Variants in LRRFIP2 observed in about 807,000 individuals in gnomAD.
LRRFIP2 encodes leucine-rich repeat flightless-interacting protein 2.
A neutral mutation model predicts 125.9 loss-of-function variants in LRRFIP2; 109 were observed. The observed-to-expected ratio is 0.87, with a 90% CI of 0.74 to 1.01. The LOEUF (loss-of-function observed/expected upper bound fraction) is 1.01. LRRFIP2 is among the 50% of genes least tolerant of loss of function. LRRFIP2 has a pLI of 0.00. For synonymous variants in LRRFIP2, 291 were observed against 293.1 expected (o/e 0.99, Z 0.07); for missense variants, 850 against 862.3 (o/e 0.99, Z 0.18).
At chr3:37,125,730 T>C (rs2095248567) in intron 4 of LRRFIP2, among the ~76,000 whole-genome samples, 1 of 152,136 alleles carries the variant, frequency 6.6e-6, no homozygotes, top group Admixed American at 6.5e-5. Flanking sequence ...GTATTATAAT[T>C]AGGGGAAATT....
chr3:37,152,137 A>C (rs1365896076), intron 1 of LRRFIP2, among the ~76,000 whole-genome samples: 1 of 152,260 alleles, frequency 6.6e-6, no homozygotes, highest in African/African-American at 2.4e-5. Context: ...CTCAGCCATA[A>C]AAATGAATGA....
intron 19 of LRRFIP2, among the ~76,000 whole-genome samples, chr3:37,082,840 A>C (rs2092748968): frequency 6.6e-6 from 1 of 152,238 alleles, no homozygotes; most frequent in South Asian, 2.1e-4. Flanking sequence ...CAGGTTATAT[A>C]AACAGCTTCT....
intron 1 of LRRFIP2, among the ~76,000 whole-genome samples, chr3:37,169,686 C>T (rs2096558967): frequency 6.6e-6 from 1 of 152,166 alleles, no homozygotes. Context: ...TAAGGAACAA[C>T]ATGCTCAGAA....
At chr3:37,132,542 T>C (rs1446831290) in intron 2 of LRRFIP2, among the ~76,000 whole-genome samples, 1 of 152,182 alleles carries the variant, frequency 6.6e-6, no homozygotes, top group Non-Finnish European at 1.5e-5. Context: ...AGATGTTACC[T>C]CCCTTGGAGA....
At chr3:37,142,884 G>C (rs902440612) in intron 2 of LRRFIP2, among the ~76,000 whole-genome samples, 1 of 152,218 alleles carries the variant, frequency 6.6e-6, no homozygotes, top group Non-Finnish European at 1.5e-5. Context: ...ATATAGTTTA[G>C]ATGTCTCTTC....
chr3:37,173,617 A>C (rs2096616105), intron 1 of LRRFIP2, among the ~76,000 whole-genome samples: 1 of 152,248 alleles, frequency 6.6e-6, no homozygotes, highest in Admixed American at 6.5e-5. Context: ...TGCAGGTGCA[A>C]TGGATGATGA....
intron 17 of LRRFIP2, 73 bp from the exon 18 acceptor site, chr3:37,091,611 G>T: frequency 9.6e-7 from 1 of 1,042,952 alleles, no homozygotes. Context: ...GGATTCAGAT[G>T]AAATGTGACT....
At chr3:37,175,437 A>G (rs2096646247), upstream of LRRFIP2, among the ~76,000 whole-genome samples, 1 of 152,174 alleles carries the variant, frequency 6.6e-6, no homozygotes, top group East Asian at 1.9e-4. Context: ...TAAAGCAAAC[A>G]CTTGAACTTT....
At chr3:37,111,339 T>G (rs2094538152) in intron 8 of LRRFIP2, among the ~76,000 whole-genome samples, 1 of 152,204 alleles carries the variant, frequency 6.6e-6, no homozygotes, top group South Asian at 2.1e-4. Context: ...ATGCCATACT[T>G]AAGAAAGTCC....
intron 4 of LRRFIP2, among the ~76,000 whole-genome samples, chr3:37,126,865 A>G (rs914829597): frequency 9.1e-5 from 13 of 143,356 alleles, no homozygotes; most frequent in African/African-American, 3.3e-4. Flanking sequence ...ATCTCAAAAA[A>G]AAAAAAGAAA....
chr3:37,109,665 A>G lies in LRRFIP2; in HGVS notation c.552T>C (p.Tyr184=), dbSNP rs748378598. The change falls in exon 10 of 28, where the codon TAT becomes TAC. Residue 184 remains tyrosine, a synonymous_variant. Transcript: ENST00000336686. The part of the protein sequence containing the change: ...SSLYSDPLAT[Y]KSDRASPTAN... ...AGAAAGTACTAACCCTGTCACTCTT[A>G]TATGTTGCCAGAGGGTCACTGTACA... 2 of 1,614,108 alleles carry G rather than the reference A, an allele frequency of 1.2e-6. No homozygotes were observed. Among genetic ancestry groups the G allele is most frequent in the East Asian group, 2.2e-5 (1 of 44,876 alleles).
chr3:37,054,896 T>C (rs1352587675), intron 26 of LRRFIP2, among the ~76,000 whole-genome samples, 190 bp downstream of exon 26: 1 of 152,214 alleles, frequency 6.6e-6, no homozygotes, highest in Non-Finnish European at 1.5e-5. Flanking sequence ...CTGATAGCTA[T>C]AGTTTCCTAT....
rs1177999485 is a variant in LRRFIP2 at position 37,091,550 on chromosome 3, A to G, written c.1036-12T>C. On this transcript the variant is annotated splice_polypyrimidine_tract_variant and intron_variant, in intron 17 of 27. Coordinates refer to ENST00000336686, the MANE Select transcript of LRRFIP2 (RefSeq NM_006309.4). Reference sequence around the variant, plus strand: ...AGGTCATAGATATCCTGCAGGACATAGGAATGAACCATTGCATAAAACCAT... The same window carrying G: ...AGGTCATAGATATCCTGCAGGACATGGGAATGAACCATTGCATAAAACCAT... 1 of 1,585,442 alleles carries G rather than the reference A, an allele frequency of 6.3e-7. No individual in the cohort carries two copies. The highest frequency in any genetic ancestry group is 8.6e-7 in the Non-Finnish European group (1 of 1,162,594).
intron 1 of LRRFIP2, 53 bp from the exon 2 acceptor site, chr3:37,149,091 T>G: frequency 6.9e-7 from 1 of 1,448,222 alleles, no homozygotes; most frequent in Non-Finnish European, 9.2e-7. Context: ...GCAATTTTCA[T>G]GCTCATTTAT....
intron 21 of LRRFIP2, 79 bp downstream of exon 21, chr3:37,072,711 G>T: frequency 4.7e-6 from 4 of 842,714 alleles, no homozygotes. Flanking sequence ...AAAAGGACAG[G>T]TTTTTTCAAT....
chr3:37,058,639 C>T, intron 25 of LRRFIP2, 151 bp downstream of exon 25: 1 of 752,580 alleles, frequency 1.3e-6, no homozygotes, highest in Non-Finnish European at 2.1e-6. Context: ...TGCACCACTG[C>T]ACTCTGACCT....
intron 2 of LRRFIP2, chr3:37,134,668 G>C: frequency 1.5e-6 from 1 of 674,482 alleles, no homozygotes; most frequent in Non-Finnish European, 2.8e-6. Context: ...ATGGCACTAA[G>C]ACAGATTAAT....
intron 12 of LRRFIP2, 30 bp downstream of exon 12, chr3:37,108,607 T>A (rs1302823977): frequency 2.5e-6 from 4 of 1,581,886 alleles, no homozygotes; most frequent in Non-Finnish European, 3.5e-6. Context: ...ATTTCCCTCC[T>A]CTTCACCACC....
At chr3:37,165,113 T>C (rs1040664328) in intron 1 of LRRFIP2, among the ~76,000 whole-genome samples, 1 of 151,832 alleles carries the variant, frequency 6.6e-6, no homozygotes, top group African/African-American at 2.4e-5. Flanking sequence ...TGAGCGCCTA[T>C]AGTTCCAGCT....
Sources: allele counts gnomAD v4.1 joint callset (sites outside exome capture counted in the v4.1 genomes callset), GRCh38; gene constraint gnomAD v4.1.1; transcripts MANE v1.5; gene names NCBI Gene and HGNC (gene_info 2026-07-23, HGNC 2026-07-21).